The following RYR1 variants were observed in gnomAD, a reference collection of about 807,000 sequenced individuals.
RYR1 encodes the protein central core disease of muscle.
A neutral mutation model predicts 583.5 loss-of-function variants in RYR1; 342 were observed. That is an observed-to-expected ratio of 0.59 (90% CI 0.54 to 0.64). RYR1 has a LOEUF of 0.64. Ranked by LOEUF, RYR1 falls within the 30% of genes least tolerant of loss-of-function variation. The probability of loss-of-function intolerance (pLI) is 0.00; values close to 1 mark genes in which losing one functional copy is unlikely to be tolerated. For missense variants in RYR1, 6,032 were observed against 6,917.2 expected (o/e 0.87, Z 4.54); for synonymous variants, 2,791 against 2,822.5 (o/e 0.99, Z 0.35).
chr19:38,507,117 C>G (rs544591277), intron 57 of RYR1, among the ~76,000 whole-genome samples, 165 bp downstream of exon 57: 1 of 146,450 alleles, frequency 6.8e-6, no homozygotes, highest in Admixed American at 6.9e-5. Context: ...GACACAGAGG[C>G]GGGGCCAGAT....
At chr19:38,501,305 C>T (rs969601809) in intron 47 of RYR1, among the ~76,000 whole-genome samples, 2 of 152,102 alleles carry the variant, frequency 1.3e-5, no homozygotes, top group African/African-American at 4.8e-5. Context: ...CGAGACCAGC[C>T]TGACCAACAT....
At chr19:38,585,794 A>G in intron 102 of RYR1, 144 bp from the exon 103 acceptor site, 1 of 1,026,270 alleles carries the variant, frequency 9.7e-7, no homozygotes, top group South Asian at 1.3e-5. Context: ...ATAAAGGCCT[A>G]ATACTATCTT....
chr19:38,569,144 A>G lies in RYR1; in HGVS notation c.13659+1227A>G, dbSNP rs375205312. ...TCCTGCCTCAGCCTCCCGAGTAGCTAGGACTACAGGCGCCCGCCGCCACGC... is the reference window on the plus strand; with the variant it reads ...TCCTGCCTCAGCCTCCCGAGTAGCTGGGACTACAGGCGCCCGCCGCCACGC... On this transcript the variant is annotated intron_variant, in intron 93 of 105. Coordinates refer to ENST00000359596, the MANE Select transcript of RYR1 (RefSeq NM_000540.3). Among the ~76,000 whole-genome samples, 104 of 151,926 alleles carry G rather than the reference A, an allele frequency of 6.8e-4. 1 individual carries two copies. The highest frequency in any genetic ancestry group is 6.6e-3 in the South Asian group (32 of 4,828).
chr19:38,457,861 C>T (rs1967500114), intron 17 of RYR1, among the ~76,000 whole-genome samples, 190 bp from the exon 18 acceptor site: 2 of 151,872 alleles, frequency 1.3e-5, no homozygotes, highest in Admixed American at 1.3e-4. Context: ...TCTCCCTCTC[C>T]CTCTCTCTCT....
Position 38,482,960 on chromosome 19 carries a change from G to T in RYR1, c.4621-67G>T, listed in dbSNP as rs1003352379. 20 of 1,382,678 alleles carry T rather than the reference G, an allele frequency of 1.4e-5. No homozygotes were observed. In the South Asian group the frequency reaches 2.0e-4, roughly 14 times the overall value. 85.7% of individuals were successfully genotyped at this position (1,382,678 alleles called of 1,614,324 possible). On this transcript the variant is annotated intron_variant, in intron 31 of 105. Coordinates refer to ENST00000359596, the MANE Select transcript of RYR1 (RefSeq NM_000540.3). ...GACCTACAAATTGGCCCCAGAGTTT[G>T]AGGTCCAGAGTCAACCCTCCCTCCA...
chr19:38,463,496 C>A lies in RYR1; in HGVS notation c.2651C>A (p.Thr884Asn), dbSNP rs1364137441. 1.2e-6 allele frequency: 2 copies of A among 1,613,276 alleles called. No individual in the cohort carries two copies. Among genetic ancestry groups the A allele is most frequent in the South Asian group, 1.1e-5 (1 of 91,074 alleles). ...AENIHELWAL[T>N]RIEQGWTYGP... ...AACATCCACGAGCTCTGGGCGCTAA[C>A]CCGCATCGAGCAGGGCTGGACCTAC... is the stretch of plus-strand genomic sequence containing the variant. The change falls in exon 21 of 106, where the codon ACC (threonine) becomes AAC (asparagine). Residue 884 changes from threonine to asparagine, a missense_variant. By Grantham distance (65) the Thr-to-Asn change is moderately conservative (BLOSUM62 0). Around this residue, in one of 11 missense-constraint regions of RYR1, gnomAD observed 2,627 missense variants for 2,961.3 expected, o/e 0.89. Coordinates refer to ENST00000359596, the MANE Select transcript of RYR1 (RefSeq NM_000540.3).
intron 16 of RYR1, 97 bp downstream of exon 16, chr19:38,455,848 C>G (rs1255610283): frequency 1.3e-6 from 1 of 794,360 alleles, no homozygotes; most frequent in Non-Finnish European, 2.2e-6. Flanking sequence ...CTTCCCTCCT[C>G]CATCTCATCT....
chr19:38,460,546 C>T lies in RYR1; in HGVS notation c.2532C>T (p.Cys844=). The change falls in exon 20 of 106, where the codon TGC becomes TGT. Residue 844 remains cysteine, a synonymous_variant. Transcript: ENST00000359596. Reference sequence around the variant, plus strand: ...CTCACCTGGTGGGCCCCAGTCGCTGCCTCTCACACACCGACTTCGTGCCCT... The same window carrying T: ...CTCACCTGGTGGGCCCCAGTCGCTGTCTCTCACACACCGACTTCGTGCCCT... ...RGPHLVGPSR[C]LSHTDFVPCP... The T allele has an allele frequency of 6.2e-7, 1 of 1,613,900 alleles. No homozygotes were observed. Among genetic ancestry groups the T allele is most frequent in the Non-Finnish European group, 8.5e-7 (1 of 1,180,036 alleles).
In RYR1 at chr19:38,572,917, A is replaced by G. The variant is rs969420815; in HGVS notation, c.13999-260A>G. On this transcript the variant is annotated intron_variant, in intron 95 of 105. Coordinates refer to ENST00000359596, the MANE Select transcript of RYR1 (RefSeq NM_000540.3). ...ATCTATGCCCCCTATCCCGGCCCTG[A>G]CCCCTCTATCTATGCACCACATTCC... Among the ~76,000 whole-genome samples the G allele has an allele frequency of 4.6e-4, 44 of 95,874 alleles. 1 individual carries two copies. The highest frequency in any genetic ancestry group is 2.2e-4 in the Admixed American group (2 of 9,132). 62.9% of individuals were successfully genotyped at this position (95,874 alleles called of 152,430 possible). A position where few individuals can be genotyped will look rare whatever the true frequency, so the allele number is the denominator to read the frequency against.
Position 38,483,233 on chromosome 19 carries a change from T to C in RYR1, c.4708-57T>C. Reference sequence around the variant, plus strand: ...ATCCAAGAGGTCTCCCTGGAAGTGGTGTGGTGGGACAGAGGGGGCTGGCCA... The same window carrying C: ...ATCCAAGAGGTCTCCCTGGAAGTGGCGTGGTGGGACAGAGGGGGCTGGCCA... On this transcript the variant is annotated intron_variant, in intron 32 of 105. Transcript: ENST00000359596. This position sits in a 1 kb window ranked among gnomAD's most constrained non-coding sequence, Gnocchi z 6.3. 6.3e-7 allele frequency: 1 copy of C among 1,579,370 alleles called. No individual in the cohort carries two copies. Among genetic ancestry groups the C allele is most frequent in the Non-Finnish European group, 8.6e-7 (1 of 1,159,416 alleles).
rs748640955 is a variant in RYR1 at position 38,505,404 on chromosome 19, C to T, written c.8400+6C>T. On this transcript the variant is annotated splice_donor_region_variant and intron_variant, in intron 53 of 105. Coordinates refer to ENST00000359596, the MANE Select transcript of RYR1 (RefSeq NM_000540.3). ...ACAAGACCTTTTCAGAGAAGGTGACCAGGCCTTGGGGCCCAGCATTGAGGG... is the reference window on the plus strand; with the variant it reads ...ACAAGACCTTTTCAGAGAAGGTGACTAGGCCTTGGGGCCCAGCATTGAGGG... 1 of 1,597,816 alleles carries T rather than the reference C, an allele frequency of 6.3e-7. No homozygotes were observed. Among genetic ancestry groups the T allele is most frequent in the Non-Finnish European group, 8.6e-7 (1 of 1,168,846 alleles).
intron 95 of RYR1, among the ~76,000 whole-genome samples, chr19:38,572,749 T>A (rs1384927113): frequency 6.6e-6 from 1 of 151,666 alleles, no homozygotes; most frequent in East Asian, 1.9e-4. Context: ...CCTGGCCCGA[T>A]CCCTCTGCCT....
Position 38,553,479 on chromosome 19 carries a change from T to TG in RYR1, c.12282+5059_12282+5060insG, listed in dbSNP as rs1555796470. On this transcript the variant is annotated intron_variant, in intron 89 of 105. Transcript: ENST00000359596. ...GGACAATATAGCAAGACCCCATTGC[T>TG]AAAAAAAAAAAAATCAAAAAATTAG... is the stretch of plus-strand genomic sequence containing the variant. 4.1e-5 allele frequency among the ~76,000 whole-genome samples: 6 copies of TG among 145,704 alleles called. No individual in the cohort carries two copies. The East Asian group carries it at 8.0e-4, about 19-fold the overall frequency.
At chr19:38,546,372 G>A in intron 87 of RYR1, 73 bp from the exon 88 acceptor site, 1 of 1,324,426 alleles carries the variant, frequency 7.6e-7, no homozygotes. Context: ...CTGGGTAGGT[G>A]AGGAGGGGGA....
At chr19:38,453,969 C>G (rs1967229422) in intron 13 of RYR1, among the ~76,000 whole-genome samples, 2 of 152,178 alleles carry the variant, frequency 1.3e-5, no homozygotes, top group Non-Finnish European at 2.9e-5. Context: ...TGGTTGTGCT[C>G]TCCACTTTGA....
intron 47 of RYR1, among the ~76,000 whole-genome samples, chr19:38,502,258 T>G (rs1460291405): frequency 6.6e-6 from 1 of 151,772 alleles, no homozygotes; most frequent in Non-Finnish European, 1.5e-5. Context: ...TGTAATGGGG[T>G]TCATTAATCT....
chr19:38,442,464 C>A lies in RYR1; in HGVS notation c.270+11C>A. 6.2e-7 allele frequency: 1 copy of A among 1,606,954 alleles called. No homozygotes were observed. The highest frequency in any genetic ancestry group is 8.5e-7 in the Non-Finnish European group (1 of 1,173,966). On this transcript the variant is annotated intron_variant, in intron 3 of 105. Transcript: ENST00000359596. ...GAGGCTGGCGTGGAGGTGAGGACCC[C>A]ACCTGGGGGTGGGCGGGGTGGCAGA...
At chr19:38,504,719 C>T in intron 50 of RYR1, 29 bp from the exon 51 acceptor site, 1 of 1,529,498 alleles carries the variant, frequency 6.5e-7, no homozygotes, top group Non-Finnish European at 8.7e-7. Context: ...ATAGCGACCT[C>T]CTACCCCTGC....
At position 38,466,410 on chromosome 19, in the gene RYR1, C is replaced by G; in HGVS notation, c.3178+12C>G. 1 of 1,542,496 alleles carries G rather than the reference C, an allele frequency of 6.5e-7. No homozygotes were observed. The highest frequency in any genetic ancestry group is 2.0e-5 in the Admixed American group (1 of 50,996). On this transcript the variant is annotated intron_variant, in intron 24 of 105. Coordinates refer to ENST00000359596, the MANE Select transcript of RYR1 (RefSeq NM_000540.3). ...TGACCAGGAGCCCAGTGAGTGCTCA[C>G]CCCTGGCCCTGGCCCTGACTCCTAC... is the stretch of plus-strand genomic sequence containing the variant.
Sources: allele counts gnomAD v4.1 joint callset (sites outside exome capture counted in the v4.1 genomes callset), GRCh38; gene constraint gnomAD v4.1.1; regional missense constraint gnomAD v4.1.1; non-coding constraint Gnocchi (gnomAD v3.1); transcripts MANE v1.5; gene names NCBI Gene and HGNC (gene_info 2026-07-23, HGNC 2026-07-21).